GLDC: variants seen among roughly 807,000 people sequenced by gnomAD.
GLDC encodes glycine dehydrogenase (decarboxylating), mitochondrial.
In GLDC, 104 loss-of-function variants were observed where a neutral mutation model predicts 121.3. That is an observed-to-expected ratio of 0.86 (90% confidence interval 0.73 to 1.01). GLDC has a LOEUF of 1.01. Ranked by LOEUF, GLDC falls within the 50% of genes least tolerant of loss-of-function variation. GLDC has a pLI of 0.00. For missense variants in GLDC, 1,429 were observed against 1,306.6 expected, an observed-to-expected ratio of 1.09 and a Z score of -1.44; for synonymous variants, 546 against 480.6, an observed-to-expected ratio of 1.14 and a Z score of -1.78.
At chr9:6,562,299 T>C (rs1365453491) in intron 16 of GLDC, among the ~76,000 whole-genome samples, 1 of 152,042 alleles carries the variant, frequency 6.6e-6, no homozygotes, top group Non-Finnish European at 1.5e-5. Flanking sequence ...TAAGAGAAAA[T>C]GTGAAAATAA....
intron 21 of GLDC, among the ~76,000 whole-genome samples, chr9:6,545,356 A>G (rs1431828883): frequency 6.6e-6 from 1 of 152,192 alleles, no homozygotes; most frequent in Non-Finnish European, 1.5e-5. Flanking sequence ...TTGTAACACA[A>G]TGGTCCGAAT....
chr9:6,586,659 G>A (rs1015273421), intron 15 of GLDC, among the ~76,000 whole-genome samples: 12 of 152,104 alleles, frequency 7.9e-5, no homozygotes, highest in Non-Finnish European at 1.6e-4. Flanking sequence ...AAGACAGTCC[G>A]CAATGAACGA....
At chr9:6,538,243 A>G (rs1817178025) in intron 22 of GLDC, among the ~76,000 whole-genome samples, 1 of 152,144 alleles carries the variant, frequency 6.6e-6, no homozygotes, top group Non-Finnish European at 1.5e-5. Context: ...AAGTTCTTGC[A>G]AAAGAAATTC....
At chr9:6,611,496 C>T (rs1185907223) in intron 3 of GLDC, among the ~76,000 whole-genome samples, 3 of 150,364 alleles carry the variant, frequency 2.0e-5, no homozygotes, top group Non-Finnish European at 4.4e-5. Context: ...GCGGAGGTTG[C>T]AGTGAGCTGA....
chr9:6,557,662 A>C (rs1383677362), intron 17 of GLDC: 1 of 151,922 alleles, frequency 6.6e-6, no homozygotes, highest in Non-Finnish European at 1.5e-5. Context: ...TCCCACAAGA[A>C]GTGTTTCTGT....
At chr9:6,555,946 C>A (rs1817619684) in intron 18 of GLDC, among the ~76,000 whole-genome samples, 1 of 152,190 alleles carries the variant, frequency 6.6e-6, no homozygotes, top group Non-Finnish European at 1.5e-5. Context: ...CAGGATTGGG[C>A]CCTTTGAGCC....
At chr9:6,604,813 A>C (rs754219988) in intron 6 of GLDC, 29 bp from the exon 7 acceptor site, 1 of 1,577,062 alleles carries the variant, frequency 6.3e-7, no homozygotes, top group African/African-American at 1.3e-5. Context: ...AAAAGGAACA[A>C]GGTTGCTACC....
intron 1 of GLDC, 28 bp downstream of exon 1, chr9:6,645,217 C>T (rs775387348): frequency 4.5e-6 from 7 of 1,557,008 alleles, no homozygotes; most frequent in South Asian, 1.2e-5. Context: ...GGAGGGGAGG[C>T]CGCGGAGGGC....
chr9:6,567,208 C>T (rs932151952), intron 15 of GLDC: 1 of 152,172 alleles, frequency 6.6e-6, no homozygotes, highest in African/African-American at 2.4e-5. Flanking sequence ...CCTCGTCACC[C>T]GCACTGAGTC....
At chr9:6,554,270 C>G (rs561597052) in intron 19 of GLDC, among the ~76,000 whole-genome samples, 2 of 152,112 alleles carry the variant, frequency 1.3e-5, no homozygotes, top group East Asian at 3.9e-4. Context: ...ACATCTAATT[C>G]ACTTTCAATG....
intron 21 of GLDC, among the ~76,000 whole-genome samples, chr9:6,549,828 T>TC: frequency 6.6e-6 from 1 of 152,000 alleles, no homozygotes; most frequent in Non-Finnish European, 1.5e-5. Context: ...AAGGCATGTT[T>TC]CCCCCTTGCC....
intron 21 of GLDC, among the ~76,000 whole-genome samples, chr9:6,546,406 C>T (rs1387436532): frequency 7.0e-6 from 1 of 142,466 alleles, no homozygotes; most frequent in Non-Finnish European, 1.5e-5. Flanking sequence ...CATGATATTT[C>T]CCAGGCTGGT....
intron 20 of GLDC, 119 bp from the exon 21 acceptor site, chr9:6,551,033 C>T (rs1563833430): frequency 1.3e-6 from 1 of 765,702 alleles, no homozygotes; most frequent in East Asian, 2.4e-5. Flanking sequence ...CCCACCATGA[C>T]TCTGGAGTAA....
intron 2 of GLDC, among the ~76,000 whole-genome samples, chr9:6,633,127 C>G (rs73639338): frequency 6.6e-6 from 1 of 152,112 alleles, no homozygotes; most frequent in Non-Finnish European, 1.5e-5. Context: ...CCTCCCACCT[C>G]GGAGGATCCT....
Position 6,589,240 on chromosome 9 carries a change from A to G in GLDC, c.1535T>C (p.Val512Ala). The G allele has an allele frequency of 1.2e-6, 2 of 1,611,734 alleles. No homozygotes were observed. Among genetic ancestry groups the G allele is most frequent in the Non-Finnish European group, 8.5e-7 (1 of 1,177,882 alleles). ...GAGGAACGGGCTGGTCCTCTTGAAC[A>G]CAGACCCTGGAATACCTCTGCACTC... ...GEECRGIPGS[V>A]FKRTSPFLTH... Residue 512 changes from valine (V) to alanine (A), a missense_variant, in exon 12 of 25, where the codon GTG (valine) becomes GCG (alanine). By Grantham distance (64) the Val-to-Ala change is moderately conservative. Transcript: ENST00000321612.
chr9:6,628,464 G>C (rs1230722738), intron 2 of GLDC, among the ~76,000 whole-genome samples: 2 of 152,196 alleles, frequency 1.3e-5, no homozygotes, highest in African/African-American at 4.8e-5. Flanking sequence ...AGGGGGGAAA[G>C]AGACCAAATG....
At chr9:6,586,852 T>G (rs1199815051) in intron 15 of GLDC, among the ~76,000 whole-genome samples, 1 of 152,132 alleles carries the variant, frequency 6.6e-6, no homozygotes, top group African/African-American at 2.4e-5. Context: ...AACCCCGACA[T>G]TGTGCTGTAA....
intron 15 of GLDC, chr9:6,569,140 G>C (rs1817905505): frequency 6.6e-6 from 1 of 151,982 alleles, no homozygotes; most frequent in African/African-American, 2.4e-5. Context: ...ATCATCACAG[G>C]TGTGCAAGTT....
At chr9:6,587,345 T>C in intron 14 of GLDC, 62 bp from the exon 15 acceptor site, 1 of 1,215,366 alleles carries the variant, frequency 8.2e-7, no homozygotes. Context: ...CAATAATAAC[T>C]TTAATAATAA....
Sources: gnomAD v4.1 joint callset for allele counts (sites outside exome capture counted in the v4.1 genomes callset) on GRCh38, gnomAD v4.1.1 for gene constraint, MANE v1.5 for transcripts, NCBI Gene and HGNC (gene_info 2026-07-23, HGNC 2026-07-21) for gene names.